Variants in DNAJC5 observed in about 807,000 individuals in gnomAD.
DNAJC5 encodes the protein dnaJ homolog subfamily C member 5.
DNAJC5 carries 1 observed loss-of-function variant against 23.2 expected under a neutral mutation model. That is an observed-to-expected ratio of 0.04 (90% CI 0.02 to 0.20). The LOEUF (loss-of-function observed/expected upper bound fraction) is 0.20. Among genes scored for constraint, DNAJC5 ranks in the 10% least tolerant of loss-of-function variants. DNAJC5 has a pLI of 1.00. For missense variants in DNAJC5, 180 were observed against 267.0 expected (o/e 0.67, Z 2.27); for synonymous variants, 136 against 120.0 (o/e 1.13, Z -0.87).
In DNAJC5 at chr20:63,934,114, C is replaced by G. The variant is rs1207312847; in HGVS notation, c.*2546C>G. The G allele has an allele frequency of 6.6e-6, 1 of 152,316 alleles. No homozygotes were observed. Among genetic ancestry groups the G allele is most frequent in the Admixed American group, 6.5e-5 (1 of 15,284 alleles). The allele number at this position is 152,316 out of a possible 1,614,324, so 9.4% of individuals were successfully genotyped here. On this transcript the variant is annotated 3_prime_UTR_variant, in exon 5 of 5. Coordinates refer to ENST00000360864, the MANE Select transcript of DNAJC5 (RefSeq NM_025219.3). ...CACTCGGGGCCTGGAGTTCCTCCCC[C>G]TGCCTGACCTAGAAGCAGAACCGTT...
At chr20:63,930,743 C>T in intron 3 of DNAJC5, 108 bp from the exon 4 acceptor site, 1 of 1,557,070 alleles carries the variant, frequency 6.4e-7, no homozygotes, top group Non-Finnish European at 8.8e-7. Context: ...AGGCAGTATC[C>T]CCACCTGGAA....
chr20:63,916,059 A>C (rs896655241), intron 1 of DNAJC5, among the ~76,000 whole-genome samples: 7 of 151,974 alleles, frequency 4.6e-5, no homozygotes, highest in African/African-American at 1.7e-4. Flanking sequence ...TCAGCCTCCC[A>C]AGTAGCTGGG....
chr20:63,906,130 G>A (rs1377902819), intron 1 of DNAJC5, among the ~76,000 whole-genome samples: 1 of 152,058 alleles, frequency 6.6e-6, no homozygotes, highest in Non-Finnish European at 1.5e-5. Flanking sequence ...TTAAAATATA[G>A]CCAATAAAAC....
At chr20:63,911,001 G>T (rs1389318131) in intron 1 of DNAJC5, among the ~76,000 whole-genome samples, 1 of 152,076 alleles carries the variant, frequency 6.6e-6, no homozygotes, top group Non-Finnish European at 1.5e-5. Context: ...TGTATATCTG[G>T]AGTTATTTTG....
chr20:63,923,104 G>T (rs892942634), intron 1 of DNAJC5, among the ~76,000 whole-genome samples: 1 of 151,902 alleles, frequency 6.6e-6, no homozygotes, highest in Non-Finnish European at 1.5e-5. Context: ...TTGCACCACT[G>T]CACTCCAGCC....
intron 1 of DNAJC5, among the ~76,000 whole-genome samples, chr20:63,896,280 C>A (rs910010080): frequency 4.6e-5 from 7 of 152,194 alleles, no homozygotes; most frequent in African/African-American, 1.7e-4. Flanking sequence ...AGCTGAGTTT[C>A]AGGAATGAGT....
intron 1 of DNAJC5, among the ~76,000 whole-genome samples, chr20:63,915,617 C>T (rs1298277488): frequency 6.6e-6 from 1 of 152,196 alleles, no homozygotes; most frequent in Non-Finnish European, 1.5e-5. Context: ...GCCAGGCAAG[C>T]ACTGGGGAGC....
At chr20:63,913,964 A>G (rs1048801604) in intron 1 of DNAJC5, among the ~76,000 whole-genome samples, 5 of 152,136 alleles carry the variant, frequency 3.3e-5, no homozygotes, top group African/African-American at 4.8e-5. Context: ...TCTCTCTCTG[A>G]GCACTCCATC....
intron 1 of DNAJC5, among the ~76,000 whole-genome samples, chr20:63,905,200 C>A (rs544268546): frequency 6.6e-6 from 1 of 151,490 alleles, no homozygotes; most frequent in East Asian, 1.9e-4. Context: ...ACTGCAACCT[C>A]TGCTTCCCGG....
intron 1 of DNAJC5, among the ~76,000 whole-genome samples, chr20:63,915,474 A>G (rs2053510174): frequency 1.3e-5 from 2 of 152,138 alleles, no homozygotes; most frequent in Non-Finnish European, 2.9e-5. Context: ...CATAATAAGT[A>G]AAAAAAGAAC....
intron 1 of DNAJC5, among the ~76,000 whole-genome samples, chr20:63,927,958 A>G (rs1307062089): frequency 6.6e-6 from 1 of 152,054 alleles, no homozygotes; most frequent in Non-Finnish European, 1.5e-5. Flanking sequence ...GTTTATTTAT[A>G]TATTTGTTTT....
chr20:63,905,047 C>T (rs111668824), intron 1 of DNAJC5, among the ~76,000 whole-genome samples: 24 of 149,220 alleles, frequency 1.6e-4, no homozygotes, highest in South Asian at 2.1e-4. Flanking sequence ...TCAGGTGATC[C>T]GCCTGCCTCG....
chr20:63,931,590 G>T lies in DNAJC5; in HGVS notation c.*22G>T. On this transcript the variant is annotated 3_prime_UTR_variant, in exon 5 of 5. Transcript: ENST00000360864. The surrounding 1 kb of genome is among the most constrained non-coding windows in gnomAD (Gnocchi z 9.6). ...CTAAATCCAGGAGGAGCTGTGGTCA[G>T]AGGAGGAGCCGGCGCCTGGCCACGC... 1 of 1,543,240 alleles carries T rather than the reference G, an allele frequency of 6.5e-7. No individual in the cohort carries two copies.
chr20:63,922,073 C>T (rs2053578063), intron 1 of DNAJC5, among the ~76,000 whole-genome samples: 1 of 152,040 alleles, frequency 6.6e-6, no homozygotes. Context: ...GCCACCACTC[C>T]CGGCCCCCTT....
chr20:63,927,351 C>G (rs2053624839), intron 1 of DNAJC5, among the ~76,000 whole-genome samples: 1 of 152,186 alleles, frequency 6.6e-6, no homozygotes, highest in Admixed American at 6.5e-5. Context: ...GCCTGGCCAA[C>G]ATGGAGAAAC....
chr20:63,905,102 CTTT>C (rs537351736), intron 1 of DNAJC5, among the ~76,000 whole-genome samples: 1 of 136,558 alleles, frequency 7.3e-6, no homozygotes, highest in Non-Finnish European at 1.6e-5. Context: ...CCGTGCCTGG[CTTT>C]TTTTTTTTTT....
intron 1 of DNAJC5, among the ~76,000 whole-genome samples, chr20:63,909,713 C>T (rs927367624): frequency 3.3e-5 from 5 of 152,146 alleles, no homozygotes; most frequent in East Asian, 1.9e-4. Context: ...AAGTCTTCCC[C>T]GTGAGAGTAG....
In DNAJC5 at chr20:63,921,247, C is replaced by T. The variant is rs116146822; in HGVS notation, c.-11-7088C>T. ...GTTTTGGGATTACAAGCTTGAGCCA[C>T]CGTGCCCGGCCACCTTGTTTGCTTT... On this transcript the variant is annotated intron_variant, in intron 1 of 4. Coordinates refer to ENST00000360864, the MANE Select transcript of DNAJC5 (RefSeq NM_025219.3). Among the ~76,000 whole-genome samples the T allele has an allele frequency of 7.0e-3, 1,072 of 152,254 alleles. 15 individuals are homozygous for T. Among genetic ancestry groups the T allele is most frequent in the African/African-American group, 0.025 (1,030 of 41,560 alleles).
intron 1 of DNAJC5, among the ~76,000 whole-genome samples, chr20:63,923,219 G>A (rs1161857667): frequency 2.6e-5 from 4 of 152,142 alleles, no homozygotes; most frequent in African/African-American, 9.6e-5. Context: ...ACTTTGGGAG[G>A]CTGAGGCAGG....
Sources: allele counts gnomAD v4.1 joint callset (sites outside exome capture counted in the v4.1 genomes callset), GRCh38; gene constraint gnomAD v4.1.1; non-coding constraint Gnocchi (gnomAD v3.1); transcripts MANE v1.5; gene names NCBI Gene and HGNC (gene_info 2026-07-23, HGNC 2026-07-21).